C2CD3: variants seen among roughly 807,000 people sequenced by gnomAD.
C2CD3 encodes the protein C2 domain-containing protein 3.
A neutral mutation model predicts 234.0 loss-of-function variants in C2CD3; 148 were observed. The ratio of observed to expected loss-of-function variants is 0.63; its 90% confidence interval spans 0.55 to 0.72. The LOEUF is 0.72. Among genes scored for constraint, C2CD3 ranks in the 30% least tolerant of loss-of-function variants. C2CD3 has a pLI of 0.00. For missense variants in C2CD3, 2,577 were observed against 2,811.5 expected (o/e 0.92, Z 1.89); for synonymous variants, 1,000 against 1,035.4 (o/e 0.97, Z 0.66).
At chr11:74,067,268 T>C (rs913454261) in intron 24 of C2CD3, among the ~76,000 whole-genome samples, 5 of 151,686 alleles carry the variant, frequency 3.3e-5, no homozygotes, top group African/African-American at 1.2e-4. Flanking sequence ...AATGCTAGCC[T>C]TGGAAGGAAG....
At chr11:74,096,706 A>G (rs1379843235) in intron 16 of C2CD3, among the ~76,000 whole-genome samples, 2 of 152,172 alleles carry the variant, frequency 1.3e-5, no homozygotes, top group Non-Finnish European at 2.9e-5. Flanking sequence ...TATGGAATTT[A>G]ACAAAATCTG....
In C2CD3 at chr11:74,074,418, G is replaced by T; in HGVS notation, c.4786C>A (p.Pro1596Thr). 6.2e-7 allele frequency: 1 copy of T among 1,614,218 alleles called. No homozygotes were observed. The highest frequency in any genetic ancestry group is 1.1e-5 in the South Asian group (1 of 91,082). ...PRRNDEVQLS[P>T]PEVISCHQKS... ...TGGTGGCAGGAGATGACTTCTGGTG[G>T]AGAGAGCTGGACCTCATCATTCCTT... Residue 1596 changes from proline (P) to threonine (T), a missense_variant, in exon 24 of 33, where the codon CCA (proline) becomes ACA (threonine). Physicochemically the swap from Pro to Thr is conservative, Grantham distance 38. Transcript: ENST00000334126.
At position 74,139,617 on chromosome 11, in the gene C2CD3, G is replaced by C. The variant is rs1220191263; in HGVS notation, c.695C>G (p.Ser232Ter). ...GTATGGTAATTACCTCGGAGTGGTTGATCTACTGCTGTTGGCTGCTAACTC... is the reference window on the plus strand; with the variant it reads ...GTATGGTAATTACCTCGGAGTGGTTCATCTACTGCTGTTGGCTGCTAACTC... ...GKELAANSSRSTTPRGKDHVC... is the reference protein window; with the variant it reads ...GKELAANSSR Residue 232 changes from serine to a stop codon, truncating the protein, a stop_gained, in exon 4 of 33, where the codon TCA becomes TGA. Transcript: ENST00000334126. LOFTEE classifies it high-confidence loss of function. 4 of 1,611,520 alleles carry C rather than the reference G, an allele frequency of 2.5e-6. No homozygotes were observed. The African/African-American group carries it at 4.0e-5, about 16-fold the overall frequency.
At chr11:74,163,269 G>A (rs1352691790) in intron 2 of C2CD3, among the ~76,000 whole-genome samples, 1 of 152,182 alleles carries the variant, frequency 6.6e-6, no homozygotes, top group African/African-American at 2.4e-5. Context: ...CATCACTGCT[G>A]TTCTGAGGAA....
At chr11:74,110,164 G>C (rs1451490261) in intron 11 of C2CD3, among the ~76,000 whole-genome samples, 1 of 152,040 alleles carries the variant, frequency 6.6e-6, no homozygotes, top group Non-Finnish European at 1.5e-5. Flanking sequence ...TTAAGCTCCA[G>C]TTCTAATACT....
chr11:74,090,887 C>G lies in C2CD3; in HGVS notation c.3567G>C (p.Glu1189Asp). 6.2e-7 allele frequency: 1 copy of G among 1,613,922 alleles called. No homozygotes were observed. Among genetic ancestry groups the G allele is most frequent in the Non-Finnish European group, 8.5e-7 (1 of 1,179,806 alleles). The change falls in exon 20 of 33, where the codon GAG becomes GAC. Residue 1189 changes from glutamate (E) to aspartate (D), a missense_variant. Glu to Asp is a conservative substitution (Grantham distance 45). Transcript: ENST00000334126. ...AAACAGTTCGGGCAGCAAGAACTCC[C>G]TCTGCTGTTCTTGGACTACGCCTGT... ...LRYRRSPRTA[E>D]GVLAARTVSI...
Position 74,138,765 on chromosome 11 carries a change from A to G in C2CD3, c.910T>C (p.Cys304Arg). Reference sequence around the variant, plus strand: ...GGGAGGTTGTTTGAAGAAAGAATGCATGAGTCACTGTGACTCTTGGCAACT... The same window carrying G: ...GGGAGGTTGTTTGAAGAAAGAATGCGTGAGTCACTGTGACTCTTGGCAACT... ...RTVAKSHSDS[C>R]ILSSNNLPTK... Residue 304 changes from cysteine to arginine, a missense_variant, in exon 5 of 33, where the codon TGC becomes CGC. Cys to Arg is a radical substitution (Grantham distance 180, BLOSUM62 -3). Coordinates refer to ENST00000334126, the MANE Select transcript of C2CD3 (RefSeq NM_001286577.2). The G allele has an allele frequency of 1.2e-6, 2 of 1,613,006 alleles. No homozygotes were observed. The highest frequency in any genetic ancestry group is 1.7e-6 in the Non-Finnish European group (2 of 1,178,948).
chr11:74,027,800 G>T (rs528948635), intron 32 of C2CD3, among the ~76,000 whole-genome samples: 1 of 152,242 alleles, frequency 6.6e-6, no homozygotes, highest in East Asian at 1.9e-4. Flanking sequence ...TGCCAAGGCA[G>T]AAAAGAGGAG....
rs1430522623 is a variant in C2CD3 at position 74,133,528 on chromosome 11, T to G, written c.985A>C (p.Asn329His). 4.3e-6 allele frequency: 7 copies of G among 1,614,112 alleles called. No individual in the cohort carries two copies. In the East Asian group the frequency reaches 1.3e-4, roughly 31 times the overall value. Reference protein sequence around the residue: ...ALLEQGNKLRNAMVISAMKSS... With the variant: ...ALLEQGNKLRHAMVISAMKSS... ...TTCATTGCAGAAATCACCATGGCAT[T>G]ACGCAGTTTATTGCCTTGTTCTAAC... The change falls in exon 6 of 33, where the codon AAT becomes CAT. Residue 329 changes from asparagine to histidine, a missense_variant. By Grantham distance (68) the Asn-to-His change is moderately conservative. Coordinates refer to ENST00000334126, the MANE Select transcript of C2CD3 (RefSeq NM_001286577.2).
At chr11:74,157,768 C>T (rs1162670480) in intron 3 of C2CD3, among the ~76,000 whole-genome samples, 1 of 152,144 alleles carries the variant, frequency 6.6e-6, no homozygotes, top group African/African-American at 2.4e-5. Flanking sequence ...CTAGAAAGTG[C>T]TCCCAATGAG....
At chr11:74,116,476 A>G (rs1956929702) in intron 9 of C2CD3, among the ~76,000 whole-genome samples, 1 of 151,818 alleles carries the variant, frequency 6.6e-6, no homozygotes, top group South Asian at 2.1e-4. Flanking sequence ...AAAAAAAAAA[A>G]GAATGTTGGT....
chr11:74,025,708 A>G (rs1453761732), intron 32 of C2CD3, among the ~76,000 whole-genome samples: 1 of 152,076 alleles, frequency 6.6e-6, no homozygotes. Flanking sequence ...GGGAGTAGGG[A>G]GGATACGAGG....
intron 28 of C2CD3, among the ~76,000 whole-genome samples, chr11:74,044,856 C>T (rs1346053937): frequency 6.7e-6 from 1 of 149,772 alleles, no homozygotes; most frequent in African/African-American, 2.5e-5. Context: ...TGGCCTCCAG[C>T]TGCATCCACG....
intron 24 of C2CD3, among the ~76,000 whole-genome samples, chr11:74,064,354 C>T (rs1014486067): frequency 2.6e-5 from 4 of 152,108 alleles, no homozygotes; most frequent in Non-Finnish European, 4.4e-5. Flanking sequence ...CCTAGGAATC[C>T]AACTTACAAG....
At position 74,034,120 on chromosome 11, in the gene C2CD3, T is replaced by C; in HGVS notation, c.6040A>G (p.Lys2014Glu). The part of the protein sequence containing the change: ...PDEPLVRAPD[K>E]GTDSPSPPPL... ...GGGGGTGATGGGGAATCTGTGCCTT[T>C]ATCTGGAGCTCTTACCAATGGCTCA... Residue 2014 changes from lysine (K) to glutamate (E), a missense_variant, in exon 31 of 33, where the codon AAA becomes GAA. By Grantham distance (56) the Lys-to-Glu change is moderately conservative. Coordinates refer to ENST00000334126, the MANE Select transcript of C2CD3 (RefSeq NM_001286577.2). The C allele has an allele frequency of 6.5e-7, 1 of 1,536,218 alleles. No individual in the cohort carries two copies. The highest frequency in any genetic ancestry group is 2.4e-5 in the East Asian group (1 of 40,918).
intron 24 of C2CD3, among the ~76,000 whole-genome samples, chr11:74,068,576 C>G (rs1252413896): frequency 6.6e-6 from 1 of 152,122 alleles, no homozygotes; most frequent in Non-Finnish European, 1.5e-5. Context: ...GCAGAGAGGA[C>G]CAATCACTGT....
chr11:74,101,402 G>A (rs977587133), intron 14 of C2CD3, among the ~76,000 whole-genome samples: 1 of 152,144 alleles, frequency 6.6e-6, no homozygotes, highest in Non-Finnish European at 1.5e-5. Flanking sequence ...GAAAACATGA[G>A]AGGCAAAAAG....
intron 2 of C2CD3, among the ~76,000 whole-genome samples, chr11:74,163,973 G>A (rs1389225645): frequency 6.6e-6 from 1 of 152,122 alleles, no homozygotes; most frequent in Non-Finnish European, 1.5e-5. Flanking sequence ...GTCTTCATTT[G>A]GGGATAAAAG....
intron 26 of C2CD3, among the ~76,000 whole-genome samples, chr11:74,052,417 G>A (rs1953739783): frequency 6.6e-6 from 1 of 152,218 alleles, no homozygotes; most frequent in African/African-American, 2.4e-5. Flanking sequence ...ACAGGAAAGA[G>A]GTGAAGTGAT....
Sources: allele counts gnomAD v4.1 joint callset (sites outside exome capture counted in the v4.1 genomes callset), GRCh38; gene constraint gnomAD v4.1.1; transcripts MANE v1.5; gene names NCBI Gene and HGNC (gene_info 2026-07-23, HGNC 2026-07-21).